NECTIN3: variants seen among roughly 807,000 people sequenced by gnomAD.
The protein encoded by NECTIN3 is nectin-3.
NECTIN3 carries 8 observed loss-of-function variants against 49.4 expected under a neutral mutation model. The ratio of observed to expected loss-of-function variants is 0.16; its 90% CI spans 0.10 to 0.29. NECTIN3 has a LOEUF of 0.29. NECTIN3 is among the 10% of genes least tolerant of loss of function. The pLI is 1.00. For synonymous variants in NECTIN3, 277 were observed against 241.1 expected (o/e 1.15, Z -1.38); for missense variants, 581 against 654.6 (o/e 0.89, Z 1.23).
chr3:111,090,358 T>C (rs1325839686), intron 1 of NECTIN3, among the ~76,000 whole-genome samples: 2 of 152,118 alleles, frequency 1.3e-5, no homozygotes, highest in Non-Finnish European at 2.9e-5. Context: ...CATTTTCCTA[T>C]TGTTAGATTG....
rs1225138577 is a variant in NECTIN3, at chr3:111,134,133, A to G, written c.1568A>G (p.Asp523Gly). ...DLKMGMKFVS[D>G]EHYDENEDDL... ...AAAATGGGAATGAAGTTTGTCAGTG[A>G]TGAACATTATGATGAAAACGAAGAT... Residue 523 changes from aspartate to glycine, a missense_variant, in exon 6 of 6, where the codon GAT becomes GGT. Physicochemically the swap from Asp to Gly is moderately conservative, Grantham distance 94 (BLOSUM62 -1). Around this residue, in one of 3 missense-constraint regions of NECTIN3, gnomAD observed 238 missense variants for 244.9 expected, o/e 0.97. Coordinates refer to ENST00000485303, the MANE Select transcript of NECTIN3 (RefSeq NM_015480.3). 15 of 1,613,016 alleles carry G rather than the reference A, an allele frequency of 9.3e-6. No homozygotes were observed. Among genetic ancestry groups the G allele is most frequent in the Non-Finnish European group, 1.2e-5 (14 of 1,179,432 alleles).
At chr3:111,082,540 A>G (rs2031680812) in intron 1 of NECTIN3, among the ~76,000 whole-genome samples, 1 of 152,164 alleles carries the variant, frequency 6.6e-6, no homozygotes, top group Non-Finnish European at 1.5e-5. Context: ...ATAAATGAAT[A>G]CATTTAGTAG....
intron 1 of NECTIN3, chr3:111,075,051 A>C (rs971017220): frequency 3.3e-5 from 5 of 152,108 alleles, no homozygotes; most frequent in African/African-American, 4.8e-5. Flanking sequence ...AAGATCTGAT[A>C]TGATATGGAA....
chr3:111,147,996 T>G (rs1056939775), intron 7 of NECTIN3, among the ~76,000 whole-genome samples: 1 of 152,222 alleles, frequency 6.6e-6, no homozygotes, highest in African/African-American at 2.4e-5. Flanking sequence ...ATTAATGTGC[T>G]GTATTTGGTA....
chr3:111,078,573 AAAC>A (rs1273431441), intron 1 of NECTIN3, among the ~76,000 whole-genome samples: 1 of 152,214 alleles, frequency 6.6e-6, no homozygotes, highest in Non-Finnish European at 1.5e-5. Context: ...TTAACAAACT[AAAC>A]AAATTCTTTG....
In NECTIN3 at chr3:111,151,349, A is replaced by ATCCATATC. The variant is rs1264307848; in HGVS notation, c.1221+3866_1221+3873dup. On this transcript the variant is annotated intron_variant, in intron 7 of 8. Transcript: ENST00000493615. ...TTAAAATTTCTGCATCATTTATAAT[A>ATCCATATC]TCCATATCACAGATACTATATTTCA... is the stretch of plus-strand genomic sequence containing the variant. Among the ~76,000 whole-genome samples the ATCCATATC allele has an allele frequency of 1.3e-4, 20 of 151,910 alleles. No homozygotes were observed. In the East Asian group the frequency reaches 3.9e-3, roughly 29 times the overall value.
intron 5 of NECTIN3, among the ~76,000 whole-genome samples, chr3:111,132,333 T>A (rs1172444513): frequency 6.6e-6 from 1 of 151,930 alleles, no homozygotes; most frequent in African/African-American, 2.4e-5. Context: ...CCACATTCTA[T>A]ACATATGGCA....
At chr3:111,165,674 C>T (rs2035305452) in intron 7 of NECTIN3, among the ~76,000 whole-genome samples, 1 of 152,162 alleles carries the variant, frequency 6.6e-6, no homozygotes, top group Non-Finnish European at 1.5e-5. Context: ...GCCTGTAAAA[C>T]TTAAAAAGCC....
intron 1 of NECTIN3, among the ~76,000 whole-genome samples, chr3:111,107,748 A>C (rs537026997): frequency 1.3e-5 from 2 of 152,324 alleles, no homozygotes; most frequent in African/African-American, 4.8e-5. Context: ...GTAGTGAGGC[A>C]TTCTAATTTG....
chr3:111,087,646 C>G (rs147397338), intron 1 of NECTIN3, among the ~76,000 whole-genome samples: 4,871 of 151,458 alleles, frequency 0.032, 88 homozygotes, highest in Middle Eastern at 0.058. Flanking sequence ...GAGCGAGACT[C>G]TGTCTCAAAA....
chr3:111,152,565 G>A (rs982055402), intron 7 of NECTIN3, among the ~76,000 whole-genome samples: 1 of 151,798 alleles, frequency 6.6e-6, no homozygotes, highest in Non-Finnish European at 1.5e-5. Context: ...GGACAAAATT[G>A]TGATGAACCT....
At chr3:111,140,761 TA>T (rs2034722124), downstream of NECTIN3, among the ~76,000 whole-genome samples, 1 of 151,890 alleles carries the variant, frequency 6.6e-6, no homozygotes, top group African/African-American at 2.4e-5. Flanking sequence ...GCTGTCTACT[TA>T]ATTTTCTTCT....
intron 5 of NECTIN3, among the ~76,000 whole-genome samples, chr3:111,128,890 T>C (rs1559797018): frequency 6.6e-6 from 1 of 152,186 alleles, no homozygotes. Context: ...GGTAGTTCTT[T>C]TAAAGGACAT....
intron 1 of NECTIN3, among the ~76,000 whole-genome samples, chr3:111,092,002 G>T (rs1216679492): frequency 1.3e-5 from 2 of 152,170 alleles, no homozygotes; most frequent in Admixed American, 6.5e-5. Context: ...GTATGAGGTG[G>T]TGTATGGTTG....
At position 111,135,522 on chromosome 3, in the gene NECTIN3, C is replaced by A. The variant is rs763987884; in HGVS notation, c.*1307C>A. ...AAATTGCTTCTACAGTGGAGGCTTA[C>A]AAAATTATTGTGACAACTATTTTGA... On this transcript the variant is annotated 3_prime_UTR_variant, in exon 6 of 6. Transcript: ENST00000485303. The A allele has an allele frequency of 1.0e-6, 1 of 982,134 alleles. No individual in the cohort carries two copies. The highest frequency in any genetic ancestry group is 1.2e-6 in the Non-Finnish European group (1 of 827,114). 60.8% of individuals were successfully genotyped at this position (982,134 alleles called of 1,614,324 possible).
At chr3:111,173,029 TA>T (rs2035462444) in intron 7 of NECTIN3, among the ~76,000 whole-genome samples, 1 of 152,234 alleles carries the variant, frequency 6.6e-6, no homozygotes, top group East Asian at 1.9e-4. Flanking sequence ...CACATTCATT[TA>T]GAAACAGGGC....
upstream of NECTIN3, among the ~76,000 whole-genome samples, chr3:111,188,152 C>T (rs2035754359): frequency 6.6e-6 from 1 of 152,156 alleles, no homozygotes; most frequent in Non-Finnish European, 1.5e-5. Flanking sequence ...TTCAGGTGGT[C>T]TGTGGATTGA....
chr3:111,137,784 T>G (rs1355892889), downstream of NECTIN3, among the ~76,000 whole-genome samples: 2 of 150,566 alleles, frequency 1.3e-5, no homozygotes, highest in Non-Finnish European at 3.0e-5. Flanking sequence ...TTTTTTTTTT[T>G]TTTTTGGTGG....
At chr3:111,172,658 A>C (rs928020259) in intron 7 of NECTIN3, among the ~76,000 whole-genome samples, 8 of 152,198 alleles carry the variant, frequency 5.3e-5, no homozygotes, top group Non-Finnish European at 8.8e-5. Flanking sequence ...TTCGTTCTTA[A>C]TGGTGACATA....
Sources: allele counts gnomAD v4.1 joint callset (sites outside exome capture counted in the v4.1 genomes callset), GRCh38; gene constraint gnomAD v4.1.1; regional missense constraint gnomAD v4.1.1; transcripts MANE v1.5; gene names NCBI Gene and HGNC (gene_info 2026-07-23, HGNC 2026-07-21).